Variants in ITPRID1 observed in about 807,000 individuals in gnomAD.
The protein encoded by ITPRID1 is ITPR interacting domain containing 1.
A neutral mutation model predicts 95.4 loss-of-function variants in ITPRID1; 96 were observed. That is an observed-to-expected ratio of 1.01 (90% CI 0.85 to 1.19). The LOEUF (loss-of-function observed/expected upper bound fraction) is 1.19. ITPRID1 is among the 50% of genes most tolerant of loss of function. The pLI is 0.00. For missense variants in ITPRID1, 1,339 were observed against 1,252.9 expected (o/e 1.07, Z -1.04); for synonymous variants, 510 against 453.6 (o/e 1.12, Z -1.58).
intron 10 of ITPRID1, among the ~76,000 whole-genome samples, chr7:31,634,790 A>T (rs1789328784): frequency 1.3e-5 from 2 of 152,194 alleles, no homozygotes; most frequent in Admixed American, 6.5e-5. Context: ...AGGTGATAAG[A>T]TCTAGCTGGA....
chr7:31,547,973 G>T (rs1191201985), intron 1 of ITPRID1, among the ~76,000 whole-genome samples: 1 of 152,078 alleles, frequency 6.6e-6, no homozygotes, highest in African/African-American at 2.4e-5. Flanking sequence ...GGTAGGAGTT[G>T]GAGAGGGATT....
chr7:31,533,076 C>T (rs950199841), intron 1 of ITPRID1, among the ~76,000 whole-genome samples: 1 of 151,862 alleles, frequency 6.6e-6, no homozygotes, highest in Non-Finnish European at 1.5e-5. Flanking sequence ...AATTGTGTCA[C>T]ATTGGTGTTA....
rs1250016168 is a variant in ITPRID1, at chr7:31,643,692, T to A, written c.2322T>A (p.His774Gln). ...TSALSNKTLTHGPQPLTKSVS... is the reference protein window; with the variant it reads ...TSALSNKTLTQGPQPLTKSVS... ...CTCTAAGCAACAAGACCTTGACACA[T>A]GGGCCCCAGCCCCTCACCAAATCCG... is the stretch of plus-strand genomic sequence containing the variant. The change falls in exon 12 of 15, where the codon CAT becomes CAA. Residue 774 changes from histidine (H) to glutamine (Q), a missense_variant. Coordinates refer to ENST00000615280, the MANE Select transcript of ITPRID1 (RefSeq NM_001257967.3). The A allele has an allele frequency of 6.2e-7, 1 of 1,613,934 alleles. No individual in the cohort carries two copies.
At chr7:31,602,680 G>A (rs1786446469) in intron 10 of ITPRID1, among the ~76,000 whole-genome samples, 2 of 152,174 alleles carry the variant, frequency 1.3e-5, no homozygotes, top group Non-Finnish European at 2.9e-5. Flanking sequence ...GGAAGGGAAT[G>A]GACAGGAGAG....
intron 2 of ITPRID1, 100 bp from the exon 3 acceptor site, chr7:31,552,902 T>C (rs1380476636): frequency 1.7e-6 from 2 of 1,197,750 alleles, no homozygotes; most frequent in African/African-American, 3.1e-5. Context: ...GGATCATTCA[T>C]CTGACTGTAG....
chr7:31,561,588 C>G (rs2128139818), intron 5 of ITPRID1, among the ~76,000 whole-genome samples: 1 of 152,312 alleles, frequency 6.6e-6, no homozygotes, highest in East Asian at 1.9e-4. Context: ...GCCGTTGCTG[C>G]TTACGTTGTG....
chr7:31,605,160 T>G (rs948443480), intron 10 of ITPRID1, among the ~76,000 whole-genome samples: 7 of 150,054 alleles, frequency 4.7e-5, no homozygotes, highest in African/African-American at 1.2e-4. Flanking sequence ...AGAAAATAAA[T>G]CTTTCACAGG....
chr7:31,530,558 G>A lies in ITPRID1; in HGVS notation c.-98+16438G>A, dbSNP rs187862204. 2.5e-3 allele frequency among the ~76,000 whole-genome samples: 384 copies of A among 152,228 alleles called. 1 individual carries two copies. The highest frequency in any genetic ancestry group is 8.6e-3 in the African/African-American group (357 of 41,542). ...TGCCCATAAATGTATTTTTTGATCT[G>A]AAATTCACATGTAATTGCCTTTTAT... On this transcript the variant is annotated intron_variant, in intron 1 of 14. Transcript: ENST00000615280.
chr7:31,559,280 T>A (rs916054366), intron 5 of ITPRID1, among the ~76,000 whole-genome samples: 1 of 152,216 alleles, frequency 6.6e-6, no homozygotes, highest in Non-Finnish European at 1.5e-5. Flanking sequence ...CTGAGCATCA[T>A]GTTCTTCTTC....
intron 1 of ITPRID1, among the ~76,000 whole-genome samples, chr7:31,533,311 A>G (rs1235702145): frequency 6.6e-6 from 1 of 152,190 alleles, no homozygotes; most frequent in African/African-American, 2.4e-5. Context: ...TCTTGATAAC[A>G]TATGTTTACA....
chr7:31,579,689 C>T (rs533847355), intron 9 of ITPRID1, among the ~76,000 whole-genome samples: 38 of 152,232 alleles, frequency 2.5e-4, no homozygotes, highest in Middle Eastern at 3.4e-3. Context: ...TGCCTATTGG[C>T]ATAGCTGCAT....
chr7:31,657,082 A>G (rs1791338706), downstream of ITPRID1, among the ~76,000 whole-genome samples: 1 of 144,656 alleles, frequency 6.9e-6, no homozygotes, highest in Non-Finnish European at 1.5e-5. Context: ...TATCATATAT[A>G]TTTTATATAT....
intron 13 of ITPRID1, among the ~76,000 whole-genome samples, chr7:31,651,682 A>T (rs1352416994): frequency 1.3e-5 from 2 of 152,150 alleles, no homozygotes; most frequent in East Asian, 3.8e-4. Context: ...AATAGTGGTG[A>T]TGATTACACA....
intron 10 of ITPRID1, among the ~76,000 whole-genome samples, chr7:31,616,064 TC>T (rs1454480958): frequency 6.6e-6 from 1 of 152,102 alleles, no homozygotes; most frequent in African/African-American, 2.4e-5. Flanking sequence ...GAATTCTAAT[TC>T]CGTTTTCTGT....
intron 1 of ITPRID1, among the ~76,000 whole-genome samples, chr7:31,516,740 G>C (rs936911570): frequency 1.1e-4 from 17 of 152,180 alleles, no homozygotes; most frequent in Non-Finnish European, 2.2e-4. Flanking sequence ...AACCTCCAAA[G>C]TAGTGACTTC....
At position 31,596,217 on chromosome 7, in the gene ITPRID1, T is replaced by A. The variant is rs115466284; in HGVS notation, c.1228+13026T>A. Among the ~76,000 whole-genome samples the A allele has an allele frequency of 1.1e-3, 165 of 151,440 alleles. 1 individual carries two copies. The highest frequency in any genetic ancestry group is 3.8e-3 in the African/African-American group (158 of 41,526). On this transcript the variant is annotated intron_variant, in intron 10 of 14. Transcript: ENST00000615280. ...AGGGGAAAAATAAATAAACATAAAC[T>A]AAGTTTATCAGAAATTACTTCTGAG...
intron 1 of ITPRID1, among the ~76,000 whole-genome samples, chr7:31,534,796 T>C (rs1332826556): frequency 6.6e-6 from 1 of 152,170 alleles, no homozygotes; most frequent in Non-Finnish European, 1.5e-5. Flanking sequence ...CCTATTGATA[T>C]TTGTTTTCTA....
intron 2 of ITPRID1, among the ~76,000 whole-genome samples, chr7:31,550,247 CAT>C (rs777057837): frequency 4.2e-4 from 63 of 148,880 alleles, no homozygotes; most frequent in South Asian, 1.1e-3. Flanking sequence ...CAATTTCCCA[CAT>C]GAGTAGAAGT....
chr7:31,617,924 T>TTCTATTTG (rs1214482466), intron 10 of ITPRID1, among the ~76,000 whole-genome samples: 4 of 152,338 alleles, frequency 2.6e-5, no homozygotes, highest in Non-Finnish European at 5.9e-5. Context: ...AAAGTCCCTT[T>TTCTATTTG]TCTATTTGTA....
Sources: gnomAD v4.1 joint callset for allele counts (sites outside exome capture counted in the v4.1 genomes callset) on GRCh38, gnomAD v4.1.1 for gene constraint, MANE v1.5 for transcripts, NCBI Gene and HGNC (gene_info 2026-07-23, HGNC 2026-07-21) for gene names.